The following CCDC88A variants were observed in gnomAD, a reference collection of about 807,000 sequenced individuals.
The protein encoded by CCDC88A is girdin.
CCDC88A carries 54 observed loss-of-function variants against 234.3 expected under a neutral mutation model. The observed-to-expected ratio is 0.23, with a 90% CI of 0.19 to 0.29. The LOEUF (loss-of-function observed/expected upper bound fraction) is 0.29, where lower values mean the gene tolerates loss of function less well. CCDC88A is among the 10% of genes least tolerant of loss of function. The pLI, the probability that CCDC88A is intolerant of heterozygous loss-of-function variation, is 1.00. For synonymous variants in CCDC88A, 753 were observed against 737.8 expected (o/e 1.02, Z -0.33); for missense variants, 1,832 against 2,123.4 (o/e 0.86, Z 2.70).
At chr2:55,405,685 A>AG (rs1227373819) in intron 2 of CCDC88A, 3 of 152,174 alleles carry the variant, frequency 2.0e-5, no homozygotes, top group Non-Finnish European at 4.4e-5. Flanking sequence ...CGGCAGCATT[A>AG]GATTTTCTTA....
At chr2:55,398,469 AAG>A (rs368903124) in intron 2 of CCDC88A, among the ~76,000 whole-genome samples, 2 of 152,192 alleles carry the variant, frequency 1.3e-5, no homozygotes, top group African/African-American at 4.8e-5. Flanking sequence ...TTCCCATTAT[AAG>A]GCTTGAGTTT....
At chr2:55,297,340 T>TTATATATTATATATATAATATATAA (rs1680222579) in intron 29 of CCDC88A, among the ~76,000 whole-genome samples, 1 of 36,862 alleles carries the variant, frequency 2.7e-5, no homozygotes, top group African/African-American at 1.1e-4. Context: ...ATATATAAAT[T>TTATATATTATATATATAATATATAA]TATATATTAT....
intron 3 of CCDC88A, among the ~76,000 whole-genome samples, chr2:55,386,855 T>C (rs951097504): frequency 1.3e-5 from 2 of 151,926 alleles, no homozygotes; most frequent in African/African-American, 4.8e-5. Context: ...CAGACAAATA[T>C]TCTCAAAGAA....
chr2:55,349,492 A>G, intron 9 of CCDC88A, 26 bp downstream of exon 9: 1 of 1,510,056 alleles, frequency 6.6e-7, no homozygotes, highest in Non-Finnish European at 9.2e-7. Flanking sequence ...TGGTGGTCCT[A>G]AATAACAGAT....
At chr2:55,353,574 A>C (rs947569079) in intron 8 of CCDC88A, among the ~76,000 whole-genome samples, 12 of 151,944 alleles carry the variant, frequency 7.9e-5, no homozygotes, top group African/African-American at 2.9e-4. Flanking sequence ...ATAATCAGTA[A>C]ATAAATTTAA....
At chr2:55,383,771 A>G (rs1161336723) in intron 3 of CCDC88A, among the ~76,000 whole-genome samples, 1 of 152,174 alleles carries the variant, frequency 6.6e-6, no homozygotes, top group African/African-American at 2.4e-5. Flanking sequence ...AGAGAAGGTA[A>G]TTTAAGGGCT....
At chr2:55,406,603 A>G (rs1301282643) in intron 2 of CCDC88A, among the ~76,000 whole-genome samples, 1 of 152,076 alleles carries the variant, frequency 6.6e-6, no homozygotes, top group East Asian at 1.9e-4. Context: ...AAAATACCAA[A>G]AAATATTTAG....
intron 17 of CCDC88A, among the ~76,000 whole-genome samples, chr2:55,327,969 A>G (rs1187492764): frequency 1.3e-5 from 2 of 152,220 alleles, no homozygotes; most frequent in African/African-American, 2.4e-5. Flanking sequence ...CCTCGATAGG[A>G]AAGAGTGACA....
Position 55,344,292 on chromosome 2 carries a change from C to T in CCDC88A, c.1188+76G>A, listed in dbSNP as rs562488923. ...GCCTCAAGGACACTAGCCATCCTTG[C>T]CAATACAGGGAAATCAGCTGAATCT... is the stretch of plus-strand genomic sequence containing the variant. On this transcript the variant is annotated intron_variant, in intron 11 of 32. Coordinates refer to ENST00000436346, the MANE Select transcript of CCDC88A (RefSeq NM_001365480.1). 3.5e-5 allele frequency: 37 copies of T among 1,065,898 alleles called. No homozygotes were observed. In the African/African-American group the frequency reaches 5.3e-4, roughly 15 times the overall value. 66.0% of individuals were successfully genotyped at this position (1,065,898 alleles called of 1,614,324 possible).
chr2:55,338,151 A>T (rs993077950), intron 13 of CCDC88A, among the ~76,000 whole-genome samples: 45 of 152,340 alleles, frequency 3.0e-4, no homozygotes, highest in African/African-American at 9.9e-4. Flanking sequence ...AGCTAATTTC[A>T]AAAAGAAACT....
rs577821264 is a variant in CCDC88A at position 55,364,544 on chromosome 2, T to G, written c.403-511A>C. 2.7e-3 allele frequency among the ~76,000 whole-genome samples: 413 copies of G among 152,142 alleles called. 3 individuals are homozygous for G. Among genetic ancestry groups the G allele is most frequent in the African/African-American group, 9.3e-3 (386 of 41,540 alleles). On this transcript the variant is annotated intron_variant, in intron 5 of 32. Coordinates refer to ENST00000436346, the MANE Select transcript of CCDC88A (RefSeq NM_001365480.1). ...CACATCTTCATCCTATCAAGCTTAA[T>G]AAAAGAAACCCACTTTTGTGGCCCA...
At chr2:55,308,749 T>TA (rs1381587544) in intron 25 of CCDC88A, 60 bp downstream of exon 25, 11 of 1,354,282 alleles carry the variant, frequency 8.1e-6, no homozygotes, top group East Asian at 4.6e-5. Flanking sequence ...ACTGAAGTTT[T>TA]AAAAAATCTT....
chr2:55,291,859 G>C (rs1324667789), intron 31 of CCDC88A, 84 bp from the exon 32 acceptor site: 27 of 990,648 alleles, frequency 2.7e-5, no homozygotes, highest in South Asian at 1.7e-4. Flanking sequence ...CTCTCACTGA[G>C]TAGGGCAAGG....
intron 2 of CCDC88A, among the ~76,000 whole-genome samples, chr2:55,414,764 A>G (rs1681070582): frequency 6.6e-6 from 1 of 152,122 alleles, no homozygotes; most frequent in South Asian, 2.1e-4. Flanking sequence ...AGATGAAAAA[A>G]CTTATATAAT....
intron 7 of CCDC88A, 69 bp from the exon 8 acceptor site, chr2:55,355,820 A>T: frequency 8.1e-7 from 1 of 1,234,894 alleles, no homozygotes; most frequent in Non-Finnish European, 1.2e-6. Context: ...AACATGATCC[A>T]CTAGGTCTAA....
chr2:55,297,274 TATTA>T lies in CCDC88A; in HGVS notation c.4826-755_4826-752del, dbSNP rs1198433298. 1.7e-4 allele frequency: 5 copies of T among 30,114 alleles called. No homozygotes were observed. In the East Asian group the frequency reaches 0.016, roughly 94 times the overall value. 1.9% of individuals were successfully genotyped at this position (30,114 alleles called of 1,614,324 possible). ...TTCATCTAATGTGTATTTTTATATATATTATATATAATATATATAATTTATATAT... is the reference window on the plus strand; with the variant it reads ...TTCATCTAATGTGTATTTTTATATATTATATAATATATATAATTTATATAT... On this transcript the variant is annotated intron_variant, in intron 29 of 32. Coordinates refer to ENST00000436346, the MANE Select transcript of CCDC88A (RefSeq NM_001365480.1).
At position 55,328,197 on chromosome 2, in the gene CCDC88A, T is replaced by C. The variant is rs1377409477; in HGVS notation, c.2997+97A>G. 5 of 953,884 alleles carry C rather than the reference T, an allele frequency of 5.2e-6. No individual in the cohort carries two copies. Among genetic ancestry groups the C allele is most frequent in the Admixed American group, 3.0e-5 (1 of 33,478 alleles). The allele number at this position is 953,884 out of a possible 1,614,324, so 59.1% of individuals were successfully genotyped here. A position where few individuals can be genotyped will look rare whatever the true frequency, so the allele number is the denominator to read the frequency against. The stretch of plus-strand genomic sequence containing the variant: ...AAGGAAGAAATAGACTAAATATCAA[T>C]AAAATGTTTATATTTTTATTTTCTA... On this transcript the variant is annotated intron_variant, in intron 17 of 32. Coordinates refer to ENST00000436346, the MANE Select transcript of CCDC88A (RefSeq NM_001365480.1). The surrounding 1 kb of genome is among the most constrained non-coding windows in gnomAD (Gnocchi z 4.3).
chr2:55,405,560 A>G (rs180680447), intron 2 of CCDC88A: 56 of 152,388 alleles, frequency 3.7e-4, no homozygotes, highest in African/African-American at 1.3e-3. Flanking sequence ...AGGGTCCCCA[A>G]CCCCTGGGCC....
In CCDC88A at chr2:55,301,959, C is replaced by T. The variant is rs763205186; in HGVS notation, c.4585G>A (p.Ala1529Thr). 1 of 1,614,100 alleles carries T rather than the reference C, an allele frequency of 6.2e-7. No homozygotes were observed. Among genetic ancestry groups the T allele is most frequent in the Non-Finnish European group, 8.5e-7 (1 of 1,179,956 alleles). Residue 1529 changes from alanine to threonine, a missense_variant, in exon 27 of 33, where the codon GCT becomes ACT. By Grantham distance (58) the Ala-to-Thr change is moderately conservative. This residue lies in a region of CCDC88A where 422 missense variants were observed against 416.5 expected (regional missense o/e 1.01). Transcript: ENST00000436346. ...ATGGCTGTAGTAGAGAAGGCCATAG[C>T]TCCCAATTCTTTTCTCCTTTTACCC... ...STGKRRKELG[A>T]MAFSTTAINF...
Sources: gnomAD v4.1 joint callset for allele counts (sites outside exome capture counted in the v4.1 genomes callset) on GRCh38, gnomAD v4.1.1 for gene constraint, gnomAD v4.1.1 regional missense constraint, Gnocchi (gnomAD v3.1) non-coding constraint, MANE v1.5 for transcripts, NCBI Gene and HGNC (gene_info 2026-07-23, HGNC 2026-07-21) for gene names.